PRUNE2: variants seen among roughly 807,000 people sequenced by gnomAD.
The protein encoded by PRUNE2 is protein prune homolog 2.
Under a neutral mutation model 252.0 loss-of-function variants are expected in PRUNE2, and 164 were observed. The observed-to-expected ratio is 0.65, with a 90% CI of 0.57 to 0.74. PRUNE2 has a LOEUF of 0.74. PRUNE2 is among the 30% of genes least tolerant of loss of function. PRUNE2 has a pLI of 0.00. For synonymous variants in PRUNE2, 1,292 were observed against 1,350.2 expected (o/e 0.96, Z 0.94); for missense variants, 3,495 against 3,711.0 (o/e 0.94, Z 1.51).
At chr9:76,871,226 AT>A (rs2061177680) in intron 1 of PRUNE2, among the ~76,000 whole-genome samples, 1 of 152,220 alleles carries the variant, frequency 6.6e-6, no homozygotes, top group African/African-American at 2.4e-5. Flanking sequence ...AAACAAAAAA[AT>A]GGATGGTTGT....
chr9:76,880,708 A>G (rs10869840), intron 1 of PRUNE2, among the ~76,000 whole-genome samples: 21,232 of 152,282 alleles, frequency 0.14, 4,810 homozygotes, highest in African/African-American at 0.48. Context: ...AAGACGAAGC[A>G]TTATCTAGAA....
chr9:76,778,110 C>T (rs935713135), intron 6 of PRUNE2, among the ~76,000 whole-genome samples: 8 of 152,184 alleles, frequency 5.3e-5, no homozygotes, highest in African/African-American at 1.9e-4. Context: ...ATACCAATGA[C>T]TGGGTCCCAG....
chr9:76,721,182 C>G (rs1007966124), intron 6 of PRUNE2, among the ~76,000 whole-genome samples: 2 of 152,224 alleles, frequency 1.3e-5, no homozygotes, highest in Non-Finnish European at 2.9e-5. Flanking sequence ...CCAAGTTAGA[C>G]TCAGTGAATG....
At chr9:76,897,794 T>G (rs1157105308) in intron 1 of PRUNE2, among the ~76,000 whole-genome samples, 4 of 152,126 alleles carry the variant, frequency 2.6e-5, no homozygotes. Context: ...ACAAGACCAT[T>G]GTGGGAGTTA....
intron 6 of PRUNE2, among the ~76,000 whole-genome samples, chr9:76,798,933 A>G (rs2056329480): frequency 6.6e-6 from 1 of 152,242 alleles, no homozygotes; most frequent in Admixed American, 6.5e-5. Context: ...GACACAAGTT[A>G]CTGCCCTGCC....
At chr9:76,880,130 G>C (rs544592291) in intron 1 of PRUNE2, among the ~76,000 whole-genome samples, 7 of 151,592 alleles carry the variant, frequency 4.6e-5, no homozygotes, top group Admixed American at 2.6e-4. Context: ...AGCCAGGATG[G>C]TCTCGATCTC....
intron 4 of PRUNE2, among the ~76,000 whole-genome samples, chr9:76,830,509 G>T (rs1296049758): frequency 6.6e-6 from 1 of 151,872 alleles, no homozygotes; most frequent in East Asian, 1.9e-4. Context: ...AAAACTAGCT[G>T]GGCATGATGG....
intron 17 of PRUNE2, among the ~76,000 whole-genome samples, chr9:76,623,861 T>C (rs1396659907): frequency 3.3e-5 from 5 of 152,246 alleles, no homozygotes; most frequent in South Asian, 2.1e-4. Context: ...AATAAAATCA[T>C]TGGCATGTGT....
chr9:76,883,449 T>C (rs1208203156), intron 1 of PRUNE2, among the ~76,000 whole-genome samples: 3 of 152,238 alleles, frequency 2.0e-5, no homozygotes, highest in African/African-American at 4.8e-5. Flanking sequence ...AAACTAACCA[T>C]GTAGCACTTA....
chr9:76,862,903 T>C (rs1382913622), intron 1 of PRUNE2: 4 of 152,224 alleles, frequency 2.6e-5, no homozygotes, highest in Non-Finnish European at 5.9e-5. Context: ...AATCTTGTTG[T>C]GGCCATAGAT....
Position 76,774,450 on chromosome 9 carries a change from C to CTTTTTTTATTTATTTATTTATTT in PRUNE2, c.756+49181_756+49182insAAATAAATAAATAAATAAAAAAA, listed in dbSNP as rs1564272256. 6.3e-4 allele frequency among the ~76,000 whole-genome samples: 26 copies of CTTTTTTTATTTATTTATTTATTT among 41,392 alleles called. 1 individual carries two copies. The highest frequency in any genetic ancestry group is 1.0e-3 in the East Asian group (1 of 972). 27.2% of individuals were successfully genotyped at this position (41,392 alleles called of 152,430 possible). On this transcript the variant is annotated intron_variant, in intron 6 of 18. Transcript: ENST00000376718. ...ATCGTTCCTGGCCTCCAGTTCAACC[C>CTTTTTTTATTTATTTATTTATTT]TTTTTTTTTTTTTTTTTTTTTTTTT...
intron 9 of PRUNE2, among the ~76,000 whole-genome samples, chr9:76,677,725 T>C (rs1251666493): frequency 6.6e-6 from 1 of 152,108 alleles, no homozygotes; most frequent in Non-Finnish European, 1.5e-5. Context: ...CTGCCTGTGG[T>C]TGAAAATTGA....
At chr9:76,616,036 G>A (rs530008540) in intron 18 of PRUNE2, among the ~76,000 whole-genome samples, 8 of 145,588 alleles carry the variant, frequency 5.5e-5, no homozygotes, top group Non-Finnish European at 1.2e-4. Flanking sequence ...CCAAAGTGCT[G>A]GGATTACAGG....
chr9:76,896,409 C>T (rs574213151), intron 1 of PRUNE2, among the ~76,000 whole-genome samples: 55 of 152,226 alleles, frequency 3.6e-4, no homozygotes, highest in Admixed American at 6.5e-4. Context: ...ACTTTAGTTG[C>T]CTTTGCCCAA....
intron 11 of PRUNE2, among the ~76,000 whole-genome samples, chr9:76,648,760 C>A (rs553926462): frequency 6.6e-6 from 1 of 152,198 alleles, no homozygotes; most frequent in Non-Finnish European, 1.5e-5. Flanking sequence ...TGCTTAAACA[C>A]ATAGAGTGCA....
At chr9:76,780,436 C>T (rs2054248098) in intron 6 of PRUNE2, among the ~76,000 whole-genome samples, 1 of 152,104 alleles carries the variant, frequency 6.6e-6, no homozygotes, top group African/African-American at 2.4e-5. Flanking sequence ...GCCTGTAATC[C>T]CAGCACTTTG....
chr9:76,879,899 ATATATTTTT>A (rs1478535065), intron 1 of PRUNE2, among the ~76,000 whole-genome samples: 1 of 76,044 alleles, frequency 1.3e-5, no homozygotes, highest in African/African-American at 8.5e-5. Context: ...ATATATATAT[ATATATTTTT>A]TTTTTTTTTT....
chr9:76,635,023 A>C (rs913858975), intron 15 of PRUNE2, among the ~76,000 whole-genome samples: 2 of 152,132 alleles, frequency 1.3e-5, no homozygotes, highest in Non-Finnish European at 2.9e-5. Context: ...CCCAGGCTGG[A>C]GTGCAGTGGT....
At position 76,625,544 on chromosome 9, in the gene PRUNE2, T is replaced by A. The variant is rs185978385; in HGVS notation, c.9150-1054A>T. The stretch of plus-strand genomic sequence containing the variant: ...AAATTGACATTTGGGGGAAATCTTA[T>A]TTTCATTAGAAAACAATCAATGTTT... On this transcript the variant is annotated intron_variant, in intron 16 of 18. Coordinates refer to ENST00000376718, the MANE Select transcript of PRUNE2 (RefSeq NM_015225.3). Among the ~76,000 whole-genome samples, 5 of 152,338 alleles carry A rather than the reference T, an allele frequency of 3.3e-5. No individual in the cohort carries two copies. The East Asian group carries it at 9.6e-4, about 29-fold the overall frequency.
Sources: gnomAD v4.1 joint callset for allele counts (sites outside exome capture counted in the v4.1 genomes callset) on GRCh38, gnomAD v4.1.1 for gene constraint, MANE v1.5 for transcripts, NCBI Gene and HGNC (gene_info 2026-07-23, HGNC 2026-07-21) for gene names.